HSF1: variants seen among roughly 807,000 people sequenced by gnomAD.
HSF1 encodes heat shock factor protein 1.
HSF1 carries 32 observed loss-of-function variants against 51.7 expected under a neutral mutation model. The ratio of observed to expected loss-of-function variants is 0.62; its 90% confidence interval spans 0.47 to 0.83. HSF1 has a LOEUF of 0.83. Ranked by LOEUF, HSF1 falls within the 40% of genes least tolerant of loss-of-function variation. The pLI is 0.00. For missense variants in HSF1, 727 were observed against 717.0 expected (o/e 1.01, Z -0.16); for synonymous variants, 396 against 309.7 (o/e 1.28, Z -2.92).
Position 144,312,079 on chromosome 8 carries a change from C to T in HSF1, c.977C>T (p.Ser326Phe). 2.5e-6 allele frequency: 4 copies of T among 1,612,430 alleles called. No individual in the cohort carries two copies. Among genetic ancestry groups the T allele is most frequent in the Non-Finnish European group, 2.5e-6 (3 of 1,179,816 alleles). ...CCATCTTCCGTGGACACCCTCTTGTCCCCGACCGCCCTCATTGACTCCATC... is the reference window on the plus strand; with the variant it reads ...CCATCTTCCGTGGACACCCTCTTGTTCCCGACCGCCCTCATTGACTCCATC... Reference protein sequence around the residue: ...GRPSSVDTLLSPTALIDSILR... With the variant: ...GRPSSVDTLLFPTALIDSILR... Residue 326 changes from serine (S) to phenylalanine (F), a missense_variant, in exon 9 of 13, where the codon TCC (serine) becomes TTC (phenylalanine). Physicochemically the swap from Ser to Phe is radical, Grantham distance 155. This residue lies in a region of HSF1 where 470 missense variants were observed against 398.8 expected (regional missense o/e 1.18). Coordinates refer to ENST00000528838, the MANE Select transcript of HSF1 (RefSeq NM_005526.4).
intron 1 of HSF1, among the ~76,000 whole-genome samples, chr8:144,298,629 C>T (rs1053468676): frequency 2.6e-5 from 4 of 151,772 alleles, no homozygotes; most frequent in Non-Finnish European, 4.4e-5. Flanking sequence ...AAGAAAAAAC[C>T]GGCGAGGACT....
chr8:144,311,415 C>T (rs369099818), intron 6 of HSF1, 33 bp downstream of exon 6: 19 of 1,613,032 alleles, frequency 1.2e-5, no homozygotes, highest in Middle Eastern at 1.6e-4. Context: ...ATCCACCACC[C>T]GGGGCCCAGG....
At position 144,314,676 on chromosome 8, in the gene HSF1, G is replaced by A. The variant is rs1327995702; in HGVS notation, c.*346G>A. On this transcript the variant is annotated 3_prime_UTR_variant, in exon 13 of 13. Transcript: ENST00000528838. ...CACAGATATATACACACAGTGGATGGACGGACAAGACAGGCAGAGATCTAT... is the reference window on the plus strand; with the variant it reads ...CACAGATATATACACACAGTGGATGAACGGACAAGACAGGCAGAGATCTAT... 1.3e-5 allele frequency: 4 copies of A among 303,292 alleles called. No individual in the cohort carries two copies. Among genetic ancestry groups the A allele is most frequent in the African/African-American group, 8.4e-5 (4 of 47,852 alleles). The allele number at this position is 303,292 out of a possible 1,614,324, so 18.8% of individuals were successfully genotyped here. A position where few individuals can be genotyped will look rare whatever the true frequency, so the allele number is the denominator to read the frequency against.
rs781904476 is a variant in HSF1, at chr8:144,313,930, G to T, written c.1314+19G>T. On this transcript the variant is annotated intron_variant, in intron 11 of 12. Transcript: ENST00000528838. ...GGCCAGTGTGCGTAGGCGGGCGGGG[G>T]GTGAGGGGGAACGAGACCAGCGGGA... 5.0e-6 allele frequency: 8 copies of T among 1,610,108 alleles called. No individual in the cohort carries two copies. The highest frequency in any genetic ancestry group is 1.7e-4 in the Middle Eastern group (1 of 6,054).
chr8:144,306,363 TTTTG>T (rs560837448), intron 1 of HSF1, among the ~76,000 whole-genome samples: 99 of 151,910 alleles, frequency 6.5e-4, no homozygotes, highest in African/African-American at 8.7e-4. Flanking sequence ...AACTAGAGTT[TTTTG>T]TTTGTTTGTT....
chr8:144,311,894 C>G, intron 8 of HSF1, 58 bp downstream of exon 8: 1 of 1,583,440 alleles, frequency 6.3e-7, no homozygotes, highest in Non-Finnish European at 8.6e-7. Context: ...CCCTGTGGGC[C>G]CAGGGCAGAG....
chr8:144,295,859 G>A (rs144894746), intron 1 of HSF1, among the ~76,000 whole-genome samples: 253 of 152,334 alleles, frequency 1.7e-3, no homozygotes, highest in African/African-American at 5.5e-3. Flanking sequence ...ACCGCGCCTG[G>A]CCCTGAGGCA....
In HSF1 at chr8:144,314,545, G is replaced by A; in HGVS notation, c.*215G>A. 1.7e-6 allele frequency: 1 copy of A among 593,094 alleles called. No individual in the cohort carries two copies. The highest frequency in any genetic ancestry group is 3.0e-6 in the Non-Finnish European group (1 of 333,082). 36.7% of individuals were successfully genotyped at this position (593,094 alleles called of 1,614,324 possible). On this transcript the variant is annotated 3_prime_UTR_variant, in exon 13 of 13. Coordinates refer to ENST00000528838, the MANE Select transcript of HSF1 (RefSeq NM_005526.4). ...CCCCAACCCCGTGTCCTGTGGTTTG[G>A]TTGGGGCTTCACAGCCACACCTGGA...
At chr8:144,302,516 GATA>G (rs1370804781) in intron 1 of HSF1, among the ~76,000 whole-genome samples, 2 of 149,358 alleles carry the variant, frequency 1.3e-5, no homozygotes, top group Non-Finnish European at 3.0e-5. Context: ...AAAAAAAAAA[GATA>G]ATAATAATAA....
chr8:144,298,467 T>C (rs1164333992), intron 1 of HSF1, among the ~76,000 whole-genome samples: 32 of 145,010 alleles, frequency 2.2e-4, no homozygotes, highest in Admixed American at 2.2e-3. Context: ...TAGCCAGGCG[T>C]GGTGGTGCGT....
rs4570203 is a variant in HSF1 at position 144,293,813 on chromosome 8, C to T, written c.117+1939C>T. Reference sequence around the variant, plus strand: ...TCCCCCATTGGGGGAGGGGCATCCGCGATTATCTGGGATATTCTAAGCTTA... The same window carrying T: ...TCCCCCATTGGGGGAGGGGCATCCGTGATTATCTGGGATATTCTAAGCTTA... On this transcript the variant is annotated intron_variant, in intron 1 of 12. Coordinates refer to ENST00000528838, the MANE Select transcript of HSF1 (RefSeq NM_005526.4). Among the ~76,000 whole-genome samples the T allele has an allele frequency of 4.1e-3, 609 of 148,542 alleles. 9 individuals carry two copies. The highest frequency in any genetic ancestry group is 0.015 in the African/African-American group (589 of 40,208).
Position 144,311,306 on chromosome 8 carries a change from CCT to C in HSF1, c.565-7_565-6del, listed in dbSNP as rs757550689. On this transcript the variant is annotated splice_polypyrimidine_tract_variant and intron_variant, in intron 5 of 12. Transcript: ENST00000528838. ...CCCACAAGGGCCGGGGTAACTGTGT[CCT>C]CTCTCTCCACAGCTCATTCAGTTCC... 1.1e-5 allele frequency: 17 copies of C among 1,613,802 alleles called. No individual in the cohort carries two copies. The highest frequency in any genetic ancestry group is 8.8e-5 in the South Asian group (8 of 91,090).
intron 2 of HSF1, 143 bp downstream of exon 2, chr8:144,309,157 C>A: frequency 1.4e-6 from 1 of 718,168 alleles, no homozygotes; most frequent in East Asian, 2.7e-5. Context: ...GCCTGGGGGC[C>A]GGGGAGCAGC....
chr8:144,303,981 A>T (rs1767258921), intron 1 of HSF1, among the ~76,000 whole-genome samples: 1 of 152,044 alleles, frequency 6.6e-6, no homozygotes. Context: ...TGGCGGGGGT[A>T]GTCTCCTCTC....
At chr8:144,304,947 CTT>C (rs141886614) in intron 1 of HSF1, among the ~76,000 whole-genome samples, 5 of 138,840 alleles carry the variant, frequency 3.6e-5, no homozygotes, top group Non-Finnish European at 6.2e-5. Flanking sequence ...CATTTTAATC[CTT>C]TTTTTTTTTT....
At chr8:144,292,257 A>T (rs1815141110) in intron 1 of HSF1, among the ~76,000 whole-genome samples, 2 of 152,244 alleles carry the variant, frequency 1.3e-5, no homozygotes, top group East Asian at 3.8e-4. Context: ...CCCAGGGGAC[A>T]GCCTACGGGG....
intron 1 of HSF1, among the ~76,000 whole-genome samples, chr8:144,292,949 TGTCTAAGAAAAAA>T (rs1429855907): frequency 8.6e-6 from 1 of 116,932 alleles, no homozygotes; most frequent in African/African-American, 3.2e-5. Context: ...AGTGAGACCC[TGTCTAAGAAAAAA>T]AAGAAAAAAA....
rs1816860859 is a variant in HSF1 at position 144,313,636 on chromosome 8, CCCGCCTCCCCGCCCCGCCTCCCCGCCGCG to C, written c.1248+26_1248+54del. The C allele has an allele frequency of 1.4e-4, 75 of 545,382 alleles. 2 individuals carry two copies. In the African/African-American group the frequency reaches 2.1e-3, roughly 15 times the overall value. 33.8% of individuals were successfully genotyped at this position (545,382 alleles called of 1,614,324 possible). ...CTGGACGTGAGTGGAGCCCCGCCGC[CCCGCCTCCCCGCCCCGCCTCCCCGCCGCG>C]CCGCCCCGCCTCCCCGCCCCGCCTC... On this transcript the variant is annotated intron_variant, in intron 10 of 12. Coordinates refer to ENST00000528838, the MANE Select transcript of HSF1 (RefSeq NM_005526.4).
Position 144,312,228 on chromosome 8 carries a change from G to A in HSF1, c.1126G>A (p.Val376Ile), listed in dbSNP as rs782361036. Residue 376 changes from valine to isoleucine, a missense_variant, in exon 9 of 13, where the codon GTA (valine) becomes ATA (isoleucine). Transcript: ENST00000528838. The part of the protein sequence containing the change: ...PTSTPEKCLS[V>I]ACLDKNELSD... ...CTCCACCCCTGAAAAGTGCCTCAGCGTAGCCTGCCTGGACAAGTGAGTGCC... is the reference window on the plus strand; with the variant it reads ...CTCCACCCCTGAAAAGTGCCTCAGCATAGCCTGCCTGGACAAGTGAGTGCC... The A allele has an allele frequency of 9.3e-6, 13 of 1,392,232 alleles. No individual in the cohort carries two copies. The highest frequency in any genetic ancestry group is 1.6e-5 in the African/African-American group (1 of 61,962). 86.2% of individuals were successfully genotyped at this position (1,392,232 alleles called of 1,614,324 possible).
Sources: allele counts gnomAD v4.1 joint callset (sites outside exome capture counted in the v4.1 genomes callset), GRCh38; gene constraint gnomAD v4.1.1; regional missense constraint gnomAD v4.1.1; transcripts MANE v1.5; gene names NCBI Gene and HGNC (gene_info 2026-07-23, HGNC 2026-07-21).